N4BP2L2: variants seen among roughly 807,000 people sequenced by gnomAD.
N4BP2L2 encodes the protein NEDD4-binding protein 2-like 2.
Under a neutral mutation model 56.2 loss-of-function variants are expected in N4BP2L2, and 50 were observed. The observed-to-expected ratio is 0.89, with a 90% confidence interval of 0.71 to 1.13. The LOEUF is 1.13. Ranked by LOEUF, N4BP2L2 falls within the 50% of genes most tolerant of loss-of-function variation. The probability of loss-of-function intolerance (pLI) is 0.00; values close to 1 mark genes in which losing one functional copy is unlikely to be tolerated. For missense variants in N4BP2L2, 689 were observed against 693.8 expected (o/e 0.99, Z 0.08); for synonymous variants, 203 against 223.6 (o/e 0.91, Z 0.82).
At chr13:32,500,854 T>C (rs1216403319) in intron 6 of N4BP2L2, among the ~76,000 whole-genome samples, 1 of 150,458 alleles carries the variant, frequency 6.6e-6, no homozygotes, top group African/African-American at 2.4e-5. Context: ...ACTCTGTCAC[T>C]TTAGTCTTTT....
chr13:32,485,334 C>T (rs978078951), intron 6 of N4BP2L2, among the ~76,000 whole-genome samples: 2 of 152,118 alleles, frequency 1.3e-5, no homozygotes, highest in Admixed American at 1.3e-4. Flanking sequence ...AAAGCCCAGG[C>T]CCAGATGGCT....
intron 6 of N4BP2L2, among the ~76,000 whole-genome samples, chr13:32,462,877 A>T (rs1366177417): frequency 8.1e-5 from 12 of 147,840 alleles, no homozygotes; most frequent in African/African-American, 3.0e-4. Flanking sequence ...AAAAAAAAAA[A>T]AAAAAAAAAA....
At chr13:32,517,709 C>A in exon 6 of N4BP2L2, 1 of 1,481,080 alleles carries the variant, frequency 6.8e-7, no homozygotes, top group Non-Finnish European at 8.9e-7. Context: ...GGCACTGTAG[C>A]CTTTTTTTAT....
Position 32,443,492 on chromosome 13 carries a change from CT to C in N4BP2L2, c.999del (p.Val334PhefsTer2). On this transcript the variant is annotated frameshift_variant, in exon 7 of 10. Coordinates refer to the N4BP2L2 transcript ENST00000357505. LOFTEE classifies it high-confidence loss of function. ...GTATACACTTGTTCCTCTCTTAAAA[CT>C]TTATCTGACATTCTGATTCCATGTT... The C allele has an allele frequency of 6.2e-7, 1 of 1,612,346 alleles. No individual in the cohort carries two copies. Among genetic ancestry groups the C allele is most frequent in the Non-Finnish European group, 8.5e-7 (1 of 1,178,890 alleles).
chr13:32,469,519 G>C (rs1593633790), intron 6 of N4BP2L2, among the ~76,000 whole-genome samples: 1 of 152,302 alleles, frequency 6.6e-6, no homozygotes, highest in Non-Finnish European at 1.5e-5. Context: ...CTCACCCAGT[G>C]GTCTGCCAGA....
intron 6 of N4BP2L2, among the ~76,000 whole-genome samples, chr13:32,448,033 G>A (rs1289123874): frequency 6.6e-6 from 1 of 152,164 alleles, no homozygotes; most frequent in Non-Finnish European, 1.5e-5. Flanking sequence ...AATGCCAAGA[G>A]GTATGAAAAT....
At chr13:32,533,991 T>A (rs2055800102) in intron 2 of N4BP2L2, among the ~76,000 whole-genome samples, 1 of 152,158 alleles carries the variant, frequency 6.6e-6, no homozygotes, top group South Asian at 2.1e-4. Flanking sequence ...AGCATTACAG[T>A]GAAGGCAAGG....
At chr13:32,490,442 T>C (rs953252104) in intron 6 of N4BP2L2, among the ~76,000 whole-genome samples, 1 of 152,066 alleles carries the variant, frequency 6.6e-6, no homozygotes, top group African/African-American at 2.4e-5. Context: ...GTAGCTGGGA[T>C]TACAGGCACC....
intron 3 of N4BP2L2, chr13:32,523,613 G>A (rs925592356): frequency 7.0e-6 from 1 of 142,004 alleles, no homozygotes; most frequent in African/African-American, 3.1e-5. Context: ...AAACCTGGGA[G>A]GCGGAGGTTG....
chr13:32,531,991 T>G (rs2054946614), intron 2 of N4BP2L2, among the ~76,000 whole-genome samples: 1 of 152,200 alleles, frequency 6.6e-6, no homozygotes, highest in Non-Finnish European at 1.5e-5. Context: ...CTCTTGACCT[T>G]TGCTTTTGGT....
chr13:32,435,346 G>T (rs2075349880), intron 9 of N4BP2L2, among the ~76,000 whole-genome samples: 1 of 152,108 alleles, frequency 6.6e-6, no homozygotes, highest in Admixed American at 6.6e-5. Flanking sequence ...CATTTCTCTT[G>T]CCTCAGCCTC....
exon 6 of N4BP2L2, chr13:32,510,397 TAATTC>T (rs1314806131): frequency 6.6e-6 from 1 of 151,960 alleles, no homozygotes; most frequent in African/African-American, 2.4e-5. Flanking sequence ...TATATGTAAA[TAATTC>T]AATGGAAAAA....
chr13:32,522,953 C>T (rs894126725), intron 3 of N4BP2L2: 2 of 152,058 alleles, frequency 1.3e-5, no homozygotes, highest in African/African-American at 4.8e-5. Flanking sequence ...CTTTATATGC[C>T]AAGTAGCTAA....
exon 6 of N4BP2L2, chr13:32,517,768 GCAA>G (rs755450506): frequency 3.1e-5 from 49 of 1,604,736 alleles, no homozygotes; most frequent in Non-Finnish European, 3.1e-5. Context: ...TTTTTCAAGT[GCAA>G]CAACAAATGT....
At chr13:32,450,537 G>A (rs963529947) in intron 6 of N4BP2L2, among the ~76,000 whole-genome samples, 7 of 152,022 alleles carry the variant, frequency 4.6e-5, no homozygotes, top group Non-Finnish European at 1.0e-4. Flanking sequence ...TGTTAACCAG[G>A]ACGGTCTCGA....
chr13:32,502,683 A>C (rs1404228000), intron 6 of N4BP2L2, among the ~76,000 whole-genome samples: 1 of 152,186 alleles, frequency 6.6e-6, no homozygotes, highest in African/African-American at 2.4e-5. Context: ...CTGCAATTTC[A>C]AACTCTGTGT....
intron 6 of N4BP2L2, among the ~76,000 whole-genome samples, chr13:32,448,925 C>T (rs1026083754): frequency 6.6e-6 from 1 of 152,202 alleles, no homozygotes; most frequent in Non-Finnish European, 1.5e-5. Context: ...CAGGCCTTAG[C>T]TAGCAGTGGG....
chr13:32,488,026 T>C (rs1039142152), intron 6 of N4BP2L2, among the ~76,000 whole-genome samples: 2 of 152,054 alleles, frequency 1.3e-5, no homozygotes, highest in African/African-American at 4.8e-5. Context: ...GCCGGACTAA[T>C]AAGAGGTGTA....
At chr13:32,440,227 G>A (rs58142867) in intron 7 of N4BP2L2, among the ~76,000 whole-genome samples, 8,717 of 152,034 alleles carry the variant, frequency 0.057, 843 homozygotes, top group African/African-American at 0.2. Context: ...AGAAGCTTAG[G>A]AGCCAAGTTA....
Sources: allele counts gnomAD v4.1 joint callset (sites outside exome capture counted in the v4.1 genomes callset), GRCh38; gene constraint gnomAD v4.1.1; transcripts MANE v1.5; gene names NCBI Gene and HGNC (gene_info 2026-07-23, HGNC 2026-07-21).